The following TTC33 variants were observed in gnomAD, a reference collection of about 807,000 sequenced individuals.
TTC33 encodes tetratricopeptide repeat protein 33.
In TTC33, 24 loss-of-function variants were observed where a neutral mutation model predicts 29.4. That is an observed-to-expected ratio of 0.82 (90% CI 0.59 to 1.15). The LOEUF is 1.15. TTC33 is among the 50% of genes most tolerant of loss of function. TTC33 has a pLI of 0.00. For missense variants in TTC33, 286 were observed against 310.4 expected (o/e 0.92, Z 0.59); for synonymous variants, 107 against 100.3 (o/e 1.07, Z -0.40).
chr5:40,748,371 T>C lies in TTC33; in HGVS notation c.-1-1352A>G, dbSNP rs540715784. On this transcript the variant is annotated intron_variant, in intron 1 of 4. Coordinates refer to ENST00000337702, the MANE Select transcript of TTC33 (RefSeq NM_012382.3). Reference sequence around the variant, plus strand: ...GTCACAATGCCCTTCTAATTTTATATTTTTAGTAGAGATGGAGTTTCACTA... The same window carrying C: ...GTCACAATGCCCTTCTAATTTTATACTTTTAGTAGAGATGGAGTTTCACTA... Among the ~76,000 whole-genome samples, 3 of 152,196 alleles carry C rather than the reference T, an allele frequency of 2.0e-5. No homozygotes were observed. In the East Asian group the frequency reaches 5.8e-4, roughly 29 times the overall value.
At chr5:40,748,919 G>A (rs375609261) in intron 1 of TTC33, among the ~76,000 whole-genome samples, 6 of 152,158 alleles carry the variant, frequency 3.9e-5, no homozygotes, top group African/African-American at 1.2e-4. Context: ...TGGATCATTT[G>A]AGGTCAGGAG....
chr5:40,735,024 A>C (rs1169607787), intron 2 of TTC33, among the ~76,000 whole-genome samples: 3 of 152,248 alleles, frequency 2.0e-5, no homozygotes, highest in African/African-American at 7.2e-5. Flanking sequence ...AATCTGGAGA[A>C]GGTCCATTCC....
chr5:40,722,467 C>A (rs1742161485), intron 4 of TTC33, among the ~76,000 whole-genome samples: 1 of 151,408 alleles, frequency 6.6e-6, no homozygotes, highest in South Asian at 2.1e-4. Context: ...TGAGGAGCCT[C>A]TCTGCCTGGC....
At chr5:40,722,708 G>C (rs567239871) in intron 4 of TTC33, among the ~76,000 whole-genome samples, 1 of 151,542 alleles carries the variant, frequency 6.6e-6, no homozygotes, top group African/African-American at 2.4e-5. Context: ...GTCTCCGCCC[G>C]GCCAGCGCCC....
At chr5:40,746,525 C>T (rs1236203140) in intron 2 of TTC33, among the ~76,000 whole-genome samples, 1 of 152,166 alleles carries the variant, frequency 6.6e-6, no homozygotes, top group Non-Finnish European at 1.5e-5. Flanking sequence ...TTAGCATTTA[C>T]TCTTCTTTAG....
chr5:40,728,558 A>G lies in TTC33; in HGVS notation c.304-82T>C, dbSNP rs1245113271. 2.2e-6 allele frequency: 3 copies of G among 1,340,874 alleles called. No homozygotes were observed. In the African/African-American group the frequency reaches 4.4e-5, roughly 20 times the overall value. 83.1% of individuals were successfully genotyped at this position (1,340,874 alleles called of 1,614,324 possible). ...CATAAAAAACCCTTTTCATTTTTTAAGATATATTTTTAGTCCAGTAAAAAT... is the reference window on the plus strand; with the variant it reads ...CATAAAAAACCCTTTTCATTTTTTAGGATATATTTTTAGTCCAGTAAAAAT... On this transcript the variant is annotated intron_variant, in intron 3 of 4. Transcript: ENST00000337702.
At chr5:40,728,654 T>C (rs996330092) in intron 3 of TTC33, among the ~76,000 whole-genome samples, 178 bp from the exon 4 acceptor site, 4 of 152,206 alleles carry the variant, frequency 2.6e-5, no homozygotes. Context: ...TTTCACCCCT[T>C]ATATAACTAT....
At chr5:40,727,760 G>T (rs1742320359) in intron 4 of TTC33, among the ~76,000 whole-genome samples, 2 of 151,934 alleles carry the variant, frequency 1.3e-5, no homozygotes, top group Non-Finnish European at 1.5e-5. Flanking sequence ...TTTAAATAAG[G>T]TTTACCAAAT....
chr5:40,718,187 C>T (rs1561142401), intron 4 of TTC33, among the ~76,000 whole-genome samples: 6 of 151,376 alleles, frequency 4.0e-5, no homozygotes, highest in East Asian at 3.9e-4. Flanking sequence ...GAGGCCGAGG[C>T]GAAAGCATGG....
In TTC33 at chr5:40,713,403, G is replaced by A. The variant is rs182223068; in HGVS notation, c.*2742C>T. On this transcript the variant is annotated 3_prime_UTR_variant, in exon 5 of 5. Transcript: ENST00000337702. ...TCTTAAAAATTCTAGCTGAGACAGA[G>A]CTTTTAAAAAATCTTTATAGTTTTA... 1.3e-5 allele frequency among the ~76,000 whole-genome samples: 2 copies of A among 152,126 alleles called. No individual in the cohort carries two copies. The highest frequency in any genetic ancestry group is 2.9e-5 in the Non-Finnish European group (2 of 68,008).
intron 4 of TTC33, among the ~76,000 whole-genome samples, chr5:40,723,757 T>C (rs943938529): frequency 2.6e-5 from 4 of 151,782 alleles, no homozygotes; most frequent in Non-Finnish European, 5.9e-5. Context: ...CCCAGCTACT[T>C]GGGAGGCTGA....
chr5:40,737,631 T>C (rs1319003341), intron 2 of TTC33, among the ~76,000 whole-genome samples: 1 of 152,208 alleles, frequency 6.6e-6, no homozygotes, highest in African/African-American at 2.4e-5. Flanking sequence ...TGAAGCATAC[T>C]TTCTGATGAG....
At chr5:40,750,041 T>C (rs1396698914) in intron 1 of TTC33, among the ~76,000 whole-genome samples, 1 of 150,494 alleles carries the variant, frequency 6.6e-6, no homozygotes, top group East Asian at 2.0e-4. Context: ...TGAGCTGAGA[T>C]TGCACCACTG....
At chr5:40,752,946 G>A (rs1397022441) in intron 1 of TTC33, among the ~76,000 whole-genome samples, 1 of 152,150 alleles carries the variant, frequency 6.6e-6, no homozygotes, top group East Asian at 1.9e-4. Context: ...AAGTGAGGGT[G>A]GCTATGAGGT....
At chr5:40,753,450 A>AT (rs1456860813) in intron 1 of TTC33, among the ~76,000 whole-genome samples, 2 of 152,050 alleles carry the variant, frequency 1.3e-5, no homozygotes, top group Non-Finnish European at 2.9e-5. Flanking sequence ...AGGAACTGAG[A>AT]TTTTTTTTAA....
chr5:40,724,569 G>T (rs1419439887), intron 4 of TTC33, among the ~76,000 whole-genome samples: 1 of 151,366 alleles, frequency 6.6e-6, no homozygotes, highest in Non-Finnish European at 1.5e-5. Flanking sequence ...GGAGGTGGAG[G>T]TTGAAGTGAG....
Position 40,716,047 on chromosome 5 carries a change from C to G in TTC33, c.*98G>C. On this transcript the variant is annotated 3_prime_UTR_variant, in exon 5 of 5. Transcript: ENST00000337702. Reference sequence around the variant, plus strand: ...TCATCTGAAAAACATATTTTACAACCAGGCGTTCTCCTATCTATCTCCAGA... The same window carrying G: ...TCATCTGAAAAACATATTTTACAACGAGGCGTTCTCCTATCTATCTCCAGA... The G allele has an allele frequency of 1.0e-6, 1 of 994,504 alleles. No individual in the cohort carries two copies. The highest frequency in any genetic ancestry group is 2.6e-5 in the East Asian group (1 of 38,094). The allele number at this position is 994,504 out of a possible 1,614,324, so 61.6% of individuals were successfully genotyped here. A position where few individuals can be genotyped will look rare whatever the true frequency, so the allele number is the denominator to read the frequency against.
chr5:40,742,503 C>G (rs1035232856), intron 2 of TTC33, among the ~76,000 whole-genome samples: 1 of 152,128 alleles, frequency 6.6e-6, no homozygotes, highest in Non-Finnish European at 1.5e-5. Context: ...CAAAGCTGGT[C>G]AACAGCAGAA....
chr5:40,739,034 A>G (rs1460935573), intron 2 of TTC33, among the ~76,000 whole-genome samples: 1 of 152,214 alleles, frequency 6.6e-6, no homozygotes, highest in Non-Finnish European at 1.5e-5. Flanking sequence ...TTTAAAAACC[A>G]GAAGTTTTCA....
Sources: allele counts gnomAD v4.1 joint callset (sites outside exome capture counted in the v4.1 genomes callset), GRCh38; gene constraint gnomAD v4.1.1; transcripts MANE v1.5; gene names NCBI Gene and HGNC (gene_info 2026-07-23, HGNC 2026-07-21).